ASB7: variants seen among roughly 807,000 people sequenced by gnomAD.
ASB7 encodes ankyrin repeat and SOCS box containing 7.
In ASB7, 4 loss-of-function variants were observed where a neutral mutation model predicts 32.5. That is an observed-to-expected ratio of 0.12 (90% CI 0.06 to 0.28). The LOEUF (loss-of-function observed/expected upper bound fraction) is 0.28. Among genes scored for constraint, ASB7 ranks in the 10% least tolerant of loss-of-function variants. ASB7 has a pLI of 1.00. For missense variants in ASB7, 181 were observed against 407.1 expected (o/e 0.44, Z 4.78); for synonymous variants, 172 against 155.6 (o/e 1.11, Z -0.78).
chr15:100,630,684 T>C (rs2039876783), intron 5 of ASB7, among the ~76,000 whole-genome samples: 1 of 152,204 alleles, frequency 6.6e-6, no homozygotes, highest in African/African-American at 2.4e-5. Context: ...GGGTGCTTTT[T>C]TTAAAGCCTG....
rs745360298 is a variant in ASB7 at position 100,602,939 on chromosome 15, A to G, written c.-380A>G. 26 of 398,870 alleles carry G rather than the reference A, an allele frequency of 6.5e-5. No individual in the cohort carries two copies. The highest frequency in any genetic ancestry group is 1.1e-4 in the Non-Finnish European group (24 of 226,372). 24.7% of individuals were successfully genotyped at this position (398,870 alleles called of 1,614,324 possible). Reference sequence around the variant, plus strand: ...CTGGGGCCGTGAGGCACCGAGGAGGATCAGGAACACCAGGGTCCGGCCCTG... The same window carrying G: ...CTGGGGCCGTGAGGCACCGAGGAGGGTCAGGAACACCAGGGTCCGGCCCTG... On this transcript the variant is annotated 5_prime_UTR_variant, in exon 1 of 6. Coordinates refer to ENST00000332783, the MANE Select transcript of ASB7 (RefSeq NM_198243.3).
chr15:100,608,347 T>C (rs1596996656), intron 2 of ASB7, among the ~76,000 whole-genome samples: 1 of 152,224 alleles, frequency 6.6e-6, no homozygotes, highest in African/African-American at 2.4e-5. Flanking sequence ...GAGGAGAGAC[T>C]ACCTATACAA....
intron 5 of ASB7, among the ~76,000 whole-genome samples, chr15:100,635,058 G>A (rs571474605): frequency 1.3e-5 from 2 of 152,256 alleles, no homozygotes; most frequent in South Asian, 4.1e-4. Context: ...TACGTAGGAG[G>A]GAAAGGTTCA....
chr15:100,627,674 C>T (rs1468947676), intron 4 of ASB7, among the ~76,000 whole-genome samples: 3 of 152,190 alleles, frequency 2.0e-5, no homozygotes, highest in Non-Finnish European at 2.9e-5. Flanking sequence ...TTTAATTTTA[C>T]TGTCAAATAG....
intron 5 of ASB7, among the ~76,000 whole-genome samples, chr15:100,639,864 A>G (rs1488919833): frequency 6.6e-6 from 1 of 152,196 alleles, no homozygotes; most frequent in African/African-American, 2.4e-5. Context: ...AGGCATCTAG[A>G]GATTTTTTGT....
chr15:100,646,142 C>A, intron 5 of ASB7: 1 of 410,260 alleles, frequency 2.4e-6, no homozygotes, highest in Non-Finnish European at 4.8e-6. Context: ...TTTCTCTGGA[C>A]ATTCCACTCC....
intron 5 of ASB7, among the ~76,000 whole-genome samples, chr15:100,632,009 C>T (rs529802307): frequency 6.6e-6 from 1 of 152,280 alleles, no homozygotes; most frequent in African/African-American, 2.4e-5. Context: ...GCCACGTGGC[C>T]GAGAGGAGCC....
chr15:100,604,959 G>C (rs1294827030), intron 2 of ASB7, among the ~76,000 whole-genome samples: 1 of 152,148 alleles, frequency 6.6e-6, no homozygotes. Context: ...TATTTTTTCA[G>C]CTTTACATGT....
intron 3 of ASB7, among the ~76,000 whole-genome samples, chr15:100,611,818 AC>A (rs2039699000): frequency 1.0e-5 from 1 of 98,322 alleles, no homozygotes. Context: ...ATATATTGCT[AC>A]TTTTTTTTTT....
chr15:100,650,865 G>C lies in ASB7; in HGVS notation c.*2403G>C, dbSNP rs947706766. 1 of 152,206 alleles carries C rather than the reference G, an allele frequency of 6.6e-6. No homozygotes were observed. The highest frequency in any genetic ancestry group is 2.4e-5 in the African/African-American group (1 of 41,446). 9.4% of individuals were successfully genotyped at this position (152,206 alleles called of 1,614,324 possible). A position where few individuals can be genotyped will look rare whatever the true frequency, so the allele number is the denominator to read the frequency against. On this transcript the variant is annotated 3_prime_UTR_variant, in exon 6 of 6. Transcript: ENST00000332783. Reference sequence around the variant, plus strand: ...TTTCACAATAACTAAAATGTCTCCAGGTGGGTTACTGGTAGATGATAGTGG... The same window carrying C: ...TTTCACAATAACTAAAATGTCTCCACGTGGGTTACTGGTAGATGATAGTGG...
chr15:100,612,846 C>T (rs987055428), intron 4 of ASB7, among the ~76,000 whole-genome samples: 1 of 152,190 alleles, frequency 6.6e-6, no homozygotes, highest in Non-Finnish European at 1.5e-5. Flanking sequence ...TAATGATACC[C>T]TATCCTTATC....
chr15:100,618,315 A>G (rs1339597000), intron 4 of ASB7, among the ~76,000 whole-genome samples: 2 of 151,728 alleles, frequency 1.3e-5, no homozygotes, highest in South Asian at 2.1e-4. Context: ...GGGTTTCACC[A>G]TGTTGGCTAG....
At chr15:100,603,666 CTTG>C (rs904431888) in intron 2 of ASB7, among the ~76,000 whole-genome samples, 1 of 152,086 alleles carries the variant, frequency 6.6e-6, no homozygotes, top group African/African-American at 2.4e-5. Context: ...TTGTTAATTG[CTTG>C]TTAATTCTGA....
At position 100,629,662 on chromosome 15, in the gene ASB7, T is replaced by C; in HGVS notation, c.437T>C (p.Leu146Pro). 1 of 1,614,186 alleles carries C rather than the reference T, an allele frequency of 6.2e-7. No homozygotes were observed. The highest frequency in any genetic ancestry group is 8.5e-7 in the Non-Finnish European group (1 of 1,180,036). The change falls in exon 5 of 6, where the codon CTC becomes CCC. Residue 146 changes from leucine to proline, a missense_variant. By Grantham distance (98) the Leu-to-Pro change is moderately conservative. Transcript: ENST00000332783. The surrounding 1 kb of genome is among the most constrained non-coding windows in gnomAD (Gnocchi z 6.8). Reference protein sequence around the residue: ...LLEFKAEVDPLSDKGTTPLQL... With the variant: ...LLEFKAEVDPPSDKGTTPLQL... ...GAGTTCAAGGCTGAGGTTGACCCACTCAGTGATAAAGGTACCACACCGCTT... is the reference window on the plus strand; with the variant it reads ...GAGTTCAAGGCTGAGGTTGACCCACCCAGTGATAAAGGTACCACACCGCTT...
Position 100,648,787 on chromosome 15 carries a change from T to C in ASB7, c.*325T>C, listed in dbSNP as rs550474019. On this transcript the variant is annotated 3_prime_UTR_variant, in exon 6 of 6. Transcript: ENST00000332783. ...CACAAGCAGGTTTAGAGTGGAGAATTTACCCTTTCCAAATTTATGGTTCCT... is the reference window on the plus strand; with the variant it reads ...CACAAGCAGGTTTAGAGTGGAGAATCTACCCTTTCCAAATTTATGGTTCCT... 4 of 171,418 alleles carry C rather than the reference T, an allele frequency of 2.3e-5. No individual in the cohort carries two copies. The highest frequency in any genetic ancestry group is 9.4e-5 in the African/African-American group (4 of 42,364). The allele number at this position is 171,418 out of a possible 1,614,324, so 10.6% of individuals were successfully genotyped here. A position where few individuals can be genotyped will look rare whatever the true frequency, so the allele number is the denominator to read the frequency against.
chr15:100,620,690 GTC>G (rs1271507192), intron 4 of ASB7, among the ~76,000 whole-genome samples: 1 of 152,210 alleles, frequency 6.6e-6, no homozygotes, highest in Non-Finnish European at 1.5e-5. Context: ...TGATGGAAGA[GTC>G]TCTATTATAA....
intron 5 of ASB7, among the ~76,000 whole-genome samples, chr15:100,641,743 C>G (rs1304326030): frequency 2.6e-5 from 4 of 152,196 alleles, no homozygotes; most frequent in African/African-American, 4.8e-5. Flanking sequence ...AAGAGGGGCC[C>G]TCTACTTTTT....
At chr15:100,611,169 C>T (rs1030055292) in intron 3 of ASB7, among the ~76,000 whole-genome samples, 2 of 152,086 alleles carry the variant, frequency 1.3e-5, no homozygotes, top group African/African-American at 4.8e-5. Context: ...TTCTACCTGC[C>T]GAGTAGCTGG....
intron 2 of ASB7, among the ~76,000 whole-genome samples, chr15:100,608,396 CTTTA>C (rs2039666121): frequency 6.6e-6 from 1 of 152,210 alleles, no homozygotes; most frequent in Non-Finnish European, 1.5e-5. Flanking sequence ...GTTTCTCCCC[CTTTA>C]TTTATCGAAT....
Sources: allele counts gnomAD v4.1 joint callset (sites outside exome capture counted in the v4.1 genomes callset), GRCh38; gene constraint gnomAD v4.1.1; non-coding constraint Gnocchi (gnomAD v3.1); transcripts MANE v1.5; gene names NCBI Gene and HGNC (gene_info 2026-07-23, HGNC 2026-07-21).